Variants in DLG2 observed in about 807,000 individuals in gnomAD.
DLG2 encodes the protein disks large homolog 2.
A neutral mutation model predicts 132.5 loss-of-function variants in DLG2; 45 were observed. The observed-to-expected ratio is 0.34, with a 90% CI of 0.27 to 0.44. DLG2 has a LOEUF of 0.44. Among genes scored for constraint, DLG2 ranks in the 20% least tolerant of loss-of-function variants. The pLI is 1.00. For synonymous variants in DLG2, 424 were observed against 419.6 expected, an observed-to-expected ratio of 1.01 and a Z score of -0.13; for missense variants, 1,045 against 1,196.9, an observed-to-expected ratio of 0.87 and a Z score of 1.87.
intron 19 of DLG2, among the ~76,000 whole-genome samples, chr11:83,576,042 T>C (rs1010973409): frequency 5.9e-5 from 9 of 151,880 alleles, no homozygotes; most frequent in Admixed American, 3.9e-4. Flanking sequence ...ACAAGTTAAA[T>C]AGGGACATGA....
intron 6 of DLG2, among the ~76,000 whole-genome samples, chr11:84,954,280 T>A (rs938978233): frequency 6.8e-5 from 10 of 148,124 alleles, no homozygotes; most frequent in Non-Finnish European, 1.3e-4. Context: ...CTCTCTGTGA[T>A]AAAATAGCAA....
At chr11:83,722,279 A>G (rs2088798969) in intron 18 of DLG2, among the ~76,000 whole-genome samples, 1 of 151,990 alleles carries the variant, frequency 6.6e-6, no homozygotes, top group African/African-American at 2.4e-5. Context: ...CAAAGTAAGA[A>G]TTTTCCTGTT....
chr11:85,262,666 G>T (rs2077003320), intron 4 of DLG2, among the ~76,000 whole-genome samples: 1 of 152,178 alleles, frequency 6.6e-6, no homozygotes, highest in Non-Finnish European at 1.5e-5. Flanking sequence ...TCTATCTTTA[G>T]ATGAATGCAC....
intron 4 of DLG2, among the ~76,000 whole-genome samples, chr11:85,265,174 A>G (rs545982106): frequency 1.3e-5 from 2 of 152,268 alleles, no homozygotes; most frequent in East Asian, 1.9e-4. Flanking sequence ...CAAATGCACT[A>G]TCTATATTAT....
At chr11:84,186,038 C>A (rs1050210376) in intron 8 of DLG2, among the ~76,000 whole-genome samples, 1 of 152,110 alleles carries the variant, frequency 6.6e-6, no homozygotes. Flanking sequence ...AGATGTTAAA[C>A]TTATGTAGTT....
chr11:84,305,743 G>A (rs1479464006), intron 7 of DLG2, among the ~76,000 whole-genome samples: 1 of 152,032 alleles, frequency 6.6e-6, no homozygotes, highest in Non-Finnish European at 1.5e-5. Context: ...TATAAACTCT[G>A]AAACCTAAGG....
intron 7 of DLG2, among the ~76,000 whole-genome samples, chr11:84,489,539 C>T (rs1366254324): frequency 6.6e-6 from 1 of 152,038 alleles, no homozygotes; most frequent in Non-Finnish European, 1.5e-5. Context: ...ATTGATATAC[C>T]ATGTTCTCCT....
At chr11:84,819,499 C>G (rs780463126) in intron 6 of DLG2, among the ~76,000 whole-genome samples, 1 of 151,768 alleles carries the variant, frequency 6.6e-6, no homozygotes, top group African/African-American at 2.4e-5. Flanking sequence ...GAAAATGAGC[C>G]CTTTTCATGC....
chr11:84,782,918 C>A (rs747489901), intron 6 of DLG2, among the ~76,000 whole-genome samples: 7 of 152,148 alleles, frequency 4.6e-5, no homozygotes, highest in Non-Finnish European at 8.8e-5. Context: ...CAGTCCTCAT[C>A]CTCACATATG....
At chr11:84,502,134 C>CCT (rs1279060513) in intron 7 of DLG2, among the ~76,000 whole-genome samples, 1 of 75,188 alleles carries the variant, frequency 1.3e-5, no homozygotes, top group Non-Finnish European at 2.8e-5. Flanking sequence ...TTCTCTCTTT[C>CCT]TCCTTTCTTT....
intron 6 of DLG2, among the ~76,000 whole-genome samples, chr11:84,739,555 A>G (rs2064313626): frequency 6.6e-6 from 1 of 152,230 alleles, no homozygotes; most frequent in African/African-American, 2.4e-5. Flanking sequence ...TATATCTTTA[A>G]AAATGGAAAG....
intron 16 of DLG2, among the ~76,000 whole-genome samples, chr11:83,842,523 CAAAAAAAAAAAA>C (rs771360645): frequency 6.0e-4 from 42 of 70,292 alleles, no homozygotes; most frequent in Non-Finnish European, 1.0e-3. Context: ...GAACCTGTCT[CAAAAAAAAAAAA>C]AAAAAAAAAA....
chr11:85,628,339 G>A (rs1229441859), upstream of DLG2, among the ~76,000 whole-genome samples: 3 of 152,228 alleles, frequency 2.0e-5, no homozygotes, highest in African/African-American at 7.2e-5. Flanking sequence ...GAAGAGATCA[G>A]GGAGCTAAGC....
intron 6 of DLG2, among the ~76,000 whole-genome samples, chr11:85,061,846 C>G (rs2064177097): frequency 1.3e-5 from 2 of 151,908 alleles, no homozygotes; most frequent in Non-Finnish European, 2.9e-5. Flanking sequence ...TGCCAACAGT[C>G]TTGCTCTCTG....
chr11:83,981,130 T>C (rs1226028190), intron 11 of DLG2, among the ~76,000 whole-genome samples: 2 of 152,182 alleles, frequency 1.3e-5, no homozygotes, highest in Non-Finnish European at 2.9e-5. Flanking sequence ...AGAAATAGAA[T>C]TGTTCAAAAA....
At chr11:85,584,339 G>GGTGTGT (rs61334060) in intron 3 of DLG2, among the ~76,000 whole-genome samples, 73 of 145,066 alleles carry the variant, frequency 5.0e-4, no homozygotes, top group South Asian at 6.9e-4. Context: ...AGTATTCCAT[G>GGTGTGT]GTGTGTGTGT....
intron 3 of DLG2, among the ~76,000 whole-genome samples, chr11:85,300,617 C>A (rs903565279): frequency 2.0e-5 from 3 of 152,146 alleles, no homozygotes; most frequent in African/African-American, 7.2e-5. Context: ...GATCCATGTA[C>A]ATTCATGTTG....
At chr11:84,675,875 C>T (rs1046594025) in intron 6 of DLG2, among the ~76,000 whole-genome samples, 2 of 152,082 alleles carry the variant, frequency 1.3e-5, no homozygotes, top group South Asian at 2.1e-4. Flanking sequence ...ACTCTGGCCT[C>T]TTTCTCCTCC....
chr11:83,833,473 G>A, intron 17 of DLG2, 141 bp downstream of exon 17: 1 of 871,014 alleles, frequency 1.1e-6, no homozygotes, highest in South Asian at 2.0e-5. Flanking sequence ...AAACAAAATT[G>A]TGACATGCAC....
Sources: gnomAD v4.1 joint callset for allele counts (sites outside exome capture counted in the v4.1 genomes callset) on GRCh38, gnomAD v4.1.1 for gene constraint, MANE v1.5 for transcripts, NCBI Gene and HGNC (gene_info 2026-07-23, HGNC 2026-07-21) for gene names.